Variants in PCDHA9 observed in about 807,000 individuals in gnomAD.
The protein encoded by PCDHA9 is protocadherin alpha 9, also known as protocadherin alpha-9.
A neutral mutation model predicts 62.0 loss-of-function variants in PCDHA9; 62 were observed. The observed-to-expected ratio is 1.00, with a 90% confidence interval of 0.81 to 1.23. The LOEUF (loss-of-function observed/expected upper bound fraction) is 1.23. Among genes scored for constraint, PCDHA9 ranks in the 50% most tolerant of loss-of-function variants. The probability of loss-of-function intolerance (pLI) is 0.00; values close to 1 mark genes in which losing one functional copy is unlikely to be tolerated. For synonymous variants in PCDHA9, 557 were observed against 567.6 expected (o/e 0.98, Z 0.27); for missense variants, 1,205 against 1,249.8 (o/e 0.96, Z 0.54).
chr5:140,876,378 T>G (rs1554168503), intron 1 of PCDHA9: 1 of 1,613,948 alleles, frequency 6.2e-7, no homozygotes. Flanking sequence ...CAGGTGAAAT[T>G]AGAATTTATG....
intron 1 of PCDHA9, among the ~76,000 whole-genome samples, chr5:140,960,278 T>A (rs2095536864): frequency 6.6e-6 from 1 of 152,192 alleles, no homozygotes. Context: ...CGTCACCTTT[T>A]TGGGACCCAG....
intron 1 of PCDHA9, among the ~76,000 whole-genome samples, chr5:140,941,438 C>G (rs1408570275): frequency 6.6e-6 from 1 of 150,766 alleles, no homozygotes; most frequent in East Asian, 1.9e-4. Flanking sequence ...GCCTCAGCCT[C>G]GGGAGTAGCT....
intron 3 of PCDHA9, among the ~76,000 whole-genome samples, chr5:141,002,136 G>C (rs2153972972): frequency 6.6e-6 from 1 of 152,374 alleles, no homozygotes; most frequent in East Asian, 1.9e-4. Flanking sequence ...GCCTTTGCCG[G>C]CTGCACTGAC....
chr5:140,938,443 A>C (rs1324427427), intron 1 of PCDHA9, among the ~76,000 whole-genome samples: 1 of 152,180 alleles, frequency 6.6e-6, no homozygotes, highest in African/African-American at 2.4e-5. Context: ...AGATTTATTA[A>C]GTTCCCTTTG....
chr5:140,921,741 A>AT (rs1554200411), intron 1 of PCDHA9, among the ~76,000 whole-genome samples: 1 of 152,202 alleles, frequency 6.6e-6, no homozygotes, highest in Non-Finnish European at 1.5e-5. Context: ...AATTATAAGC[A>AT]TAACAGGACA....
rs2150419766 is a variant in PCDHA9, at chr5:140,848,766, G to C, written c.271G>C (p.Asp91His). The change falls in exon 1 of 4, where the codon GAC becomes CAC. Residue 91 changes from aspartate (D) to histidine (H), a missense_variant. Coordinates refer to ENST00000532602, the MANE Select transcript of PCDHA9 (RefSeq NM_031857.2). ...NGILFVNSRI[D>H]REELCGRSAE... The stretch of plus-strand genomic sequence containing the variant: ...CATTTTGTTTGTGAATTCTCGGATC[G>C]ACCGCGAGGAGCTGTGCGGGCGGAG... The C allele has an allele frequency of 6.3e-7, 1 of 1,593,418 alleles. No individual in the cohort carries two copies. The highest frequency in any genetic ancestry group is 8.6e-7 in the Non-Finnish European group (1 of 1,164,090).
chr5:140,969,023 C>T lies in PCDHA9; in HGVS notation c.2395-9926C>T. ...CTTCTGTGGAGTAAGGGAAAGGTCC[C>T]CTGCAGAACTGTACAAACAAGCCAA... is the stretch of plus-strand genomic sequence containing the variant. On this transcript the variant is annotated intron_variant, in intron 1 of 3. Coordinates refer to ENST00000532602, the MANE Select transcript of PCDHA9 (RefSeq NM_031857.2). The T allele has an allele frequency of 3.1e-6, 5 of 1,614,124 alleles. No homozygotes were observed. In the Admixed American group the frequency reaches 5.0e-5, roughly 16 times the overall value.
At position 140,856,616 on chromosome 5, in the gene PCDHA9, T is replaced by G. The variant is rs1554148924; in HGVS notation, c.2394+5727T>G. ...TATAAACAAAAAAGACAAAGACAAA[T>G]TCCCAGTGCTTGTTCTGCGGAAGCT... is the stretch of plus-strand genomic sequence containing the variant. On this transcript the variant is annotated intron_variant, in intron 1 of 3. Coordinates refer to ENST00000532602, the MANE Select transcript of PCDHA9 (RefSeq NM_031857.2). The G allele has an allele frequency of 2.5e-6, 4 of 1,597,862 alleles. 1 individual carries two copies. Among genetic ancestry groups the G allele is most frequent in the Non-Finnish European group, 3.4e-6 (4 of 1,167,486 alleles).
intron 1 of PCDHA9, among the ~76,000 whole-genome samples, chr5:140,942,026 A>G (rs1394001505): frequency 6.6e-6 from 1 of 152,194 alleles, no homozygotes; most frequent in Non-Finnish European, 1.5e-5. Flanking sequence ...GGAAAAAATA[A>G]TTCATAAACC....
chr5:140,875,033 T>G (rs1377177254), intron 1 of PCDHA9, among the ~76,000 whole-genome samples: 1 of 152,236 alleles, frequency 6.6e-6, no homozygotes, highest in Non-Finnish European at 1.5e-5. Context: ...CTACTGTATT[T>G]GAAAGATTTC....
intron 1 of PCDHA9, among the ~76,000 whole-genome samples, chr5:140,894,013 T>G (rs1161643824): frequency 1.3e-5 from 2 of 152,232 alleles, no homozygotes; most frequent in African/African-American, 4.8e-5. Flanking sequence ...TGGTTCAAAT[T>G]ACCAGTTCTG....
At chr5:140,874,516 G>A (rs1307179066) in intron 1 of PCDHA9, among the ~76,000 whole-genome samples, 4 of 152,210 alleles carry the variant, frequency 2.6e-5, no homozygotes, top group Non-Finnish European at 5.9e-5. Context: ...CTTGACTTTA[G>A]TCAATGAGAT....
Position 140,927,380 on chromosome 5 carries a change from T to A in PCDHA9, c.2395-51569T>A, listed in dbSNP as rs1245076146. 1 of 1,614,198 alleles carries A rather than the reference T, an allele frequency of 6.2e-7. No individual in the cohort carries two copies. Among genetic ancestry groups the A allele is most frequent in the African/African-American group, 1.3e-5 (1 of 75,060 alleles). On this transcript the variant is annotated intron_variant, in intron 1 of 3. Transcript: ENST00000532602. ...AGCAATGGGATACTAAGCTACAGCCTAAGCCCCAGTCAGCACTTTCGCCTG... is the reference window on the plus strand; with the variant it reads ...AGCAATGGGATACTAAGCTACAGCCAAAGCCCCAGTCAGCACTTTCGCCTG...
chr5:140,882,262 G>A (rs907928710), intron 1 of PCDHA9: 14 of 1,605,126 alleles, frequency 8.7e-6, no homozygotes, highest in Non-Finnish European at 1.2e-5. Flanking sequence ...GGTTTTTGGA[G>A]TGTACCATGC....
At chr5:140,897,656 C>T (rs2153457504) in intron 1 of PCDHA9, among the ~76,000 whole-genome samples, 1 of 152,200 alleles carries the variant, frequency 6.6e-6, no homozygotes, top group Non-Finnish European at 1.5e-5. Flanking sequence ...CATACGTGTG[C>T]ATGTGTCTTT....
intron 1 of PCDHA9, chr5:140,871,314 G>A (rs199741530): frequency 6.2e-7 from 1 of 1,614,048 alleles, no homozygotes; most frequent in East Asian, 2.2e-5. Context: ...GGAAGCCCAC[G>A]CTGGTGTGCT....
At chr5:140,967,535 T>C in intron 1 of PCDHA9, 3 of 1,613,746 alleles carry the variant, frequency 1.9e-6, no homozygotes, top group Non-Finnish European at 2.5e-6. Context: ...CTCTCCTGCC[T>C]TTGACCAGTC....
chr5:140,946,806 T>A (rs965284033), intron 1 of PCDHA9, among the ~76,000 whole-genome samples: 20 of 151,184 alleles, frequency 1.3e-4, no homozygotes, highest in African/African-American at 4.6e-4. Context: ...GCAGAGAGTA[T>A]AACAGTGATT....
chr5:140,870,666 G>T (rs782557554), intron 1 of PCDHA9: 1 of 1,612,662 alleles, frequency 6.2e-7, no homozygotes, highest in Admixed American at 1.7e-5. Context: ...CGCTGCAGCC[G>T]TTGGACCACG....
Sources: allele counts gnomAD v4.1 joint callset (sites outside exome capture counted in the v4.1 genomes callset), GRCh38; gene constraint gnomAD v4.1.1; transcripts MANE v1.5; gene names NCBI Gene and HGNC (gene_info 2026-07-23, HGNC 2026-07-21).